NUF2: variants seen among roughly 807,000 people sequenced by gnomAD.
The protein encoded by NUF2 is NUF2 component of NDC80 kinetochore complex.
In NUF2, 34 loss-of-function variants were observed where a neutral mutation model predicts 61.8. The observed-to-expected ratio is 0.55, with a 90% CI of 0.42 to 0.73. The LOEUF (loss-of-function observed/expected upper bound fraction) is 0.73. Ranked by LOEUF, NUF2 falls within the 30% of genes least tolerant of loss-of-function variation. The probability of loss-of-function intolerance (pLI) is 0.00; values close to 1 mark genes in which losing one functional copy is unlikely to be tolerated. For missense variants in NUF2, 445 were observed against 539.1 expected (o/e 0.83, Z 1.73); for synonymous variants, 172 against 181.6 (o/e 0.95, Z 0.42).
intron 5 of NUF2, among the ~76,000 whole-genome samples, chr1:163,330,097 G>T (rs1420619844): frequency 6.6e-6 from 1 of 152,128 alleles, no homozygotes; most frequent in African/African-American, 2.4e-5. Context: ...ACAATACTCT[G>T]TATGCTACTC....
At chr1:163,353,609 T>G (rs1392941134) in intron 13 of NUF2, among the ~76,000 whole-genome samples, 2 of 152,224 alleles carry the variant, frequency 1.3e-5, no homozygotes, top group Admixed American at 1.3e-4. Flanking sequence ...TTAAAAATAT[T>G]TAACTTCAAC....
At chr1:163,335,611 C>A (rs979412893) in intron 5 of NUF2, among the ~76,000 whole-genome samples, 1 of 151,846 alleles carries the variant, frequency 6.6e-6, no homozygotes, top group African/African-American at 2.4e-5. Flanking sequence ...CCCCCTACAC[C>A]CCTGCCCGCC....
intron 2 of NUF2, 35 bp downstream of exon 2, chr1:163,326,209 T>G: frequency 6.2e-7 from 1 of 1,600,198 alleles, no homozygotes; most frequent in Non-Finnish European, 8.5e-7. Flanking sequence ...TGGATAATGG[T>G]ATTTAGGGAA....
chr1:163,329,921 C>T (rs1650542526), intron 5 of NUF2, among the ~76,000 whole-genome samples: 1 of 151,982 alleles, frequency 6.6e-6, no homozygotes, highest in Non-Finnish European at 1.5e-5. Context: ...ATATTAAATG[C>T]ATATTATTAA....
At chr1:163,325,498 C>A (rs1371822611) in intron 1 of NUF2, among the ~76,000 whole-genome samples, 2 of 152,192 alleles carry the variant, frequency 1.3e-5, no homozygotes, top group Non-Finnish European at 2.9e-5. Flanking sequence ...TCAATTATAT[C>A]ATCTATTCTT....
chr1:163,337,937 A>G, intron 6 of NUF2, 83 bp from the exon 7 acceptor site: 1 of 1,028,880 alleles, frequency 9.7e-7, no homozygotes, highest in Non-Finnish European at 1.5e-6. Context: ...CTGATGGTTC[A>G]AACTATAGTA....
intron 11 of NUF2, 41 bp downstream of exon 11, chr1:163,345,859 A>G (rs2101686564): frequency 7.3e-7 from 1 of 1,367,638 alleles, no homozygotes; most frequent in Non-Finnish European, 1.0e-6. Flanking sequence ...ATTATATAAC[A>G]GCTTACTATA....
chr1:163,325,826 C>T (rs1308001189), intron 1 of NUF2, among the ~76,000 whole-genome samples: 2 of 152,068 alleles, frequency 1.3e-5, no homozygotes, highest in African/African-American at 4.8e-5. Flanking sequence ...AGAAAATTAG[C>T]AGAAAATAAC....
At chr1:163,332,360 C>G (rs1478348675) in intron 5 of NUF2, among the ~76,000 whole-genome samples, 3 of 151,986 alleles carry the variant, frequency 2.0e-5, no homozygotes, top group Non-Finnish European at 4.4e-5. Flanking sequence ...CATTTGAATC[C>G]ATTTAAATGT....
chr1:163,327,100 AC>A (rs1349908962), intron 2 of NUF2, among the ~76,000 whole-genome samples: 28,502 of 145,140 alleles, frequency 0.2, 3,136 homozygotes, highest in East Asian at 0.47. Flanking sequence ...TCCTGTGTTC[AC>A]ACACACACAC....
At position 163,337,923 on chromosome 1, in the gene NUF2, A is replaced by G. The variant is rs1041876849; in HGVS notation, c.436-97A>G. 9.2e-5 allele frequency: 83 copies of G among 898,798 alleles called. 1 individual carries two copies. The highest frequency in any genetic ancestry group is 1.4e-4 in the Non-Finnish European group (80 of 552,946). 55.7% of individuals were successfully genotyped at this position (898,798 alleles called of 1,614,324 possible). On this transcript the variant is annotated intron_variant, in intron 6 of 13. Transcript: ENST00000271452. ...GGCCTAACTCTATCTTAAATTTTTT[A>G]TTTCTGATGGTTCAAACTATAGTAT...
intron 8 of NUF2, among the ~76,000 whole-genome samples, chr1:163,340,006 T>C (rs1378496432): frequency 2.6e-5 from 4 of 152,210 alleles, no homozygotes; most frequent in African/African-American, 9.6e-5. Context: ...ATCTGAAATA[T>C]ACGCTCCAAC....
At chr1:163,334,565 C>G (rs1390579956) in intron 5 of NUF2, among the ~76,000 whole-genome samples, 2 of 152,024 alleles carry the variant, frequency 1.3e-5, no homozygotes, top group African/African-American at 4.8e-5. Context: ...TGCTTGAGTC[C>G]AGGAGTTTGA....
chr1:163,334,275 A>G (rs922339518), intron 5 of NUF2, among the ~76,000 whole-genome samples: 6 of 152,218 alleles, frequency 3.9e-5, no homozygotes, highest in African/African-American at 1.4e-4. Flanking sequence ...TACAATAAAC[A>G]TACAAGTGCA....
chr1:163,325,388 G>A (rs536746571), intron 1 of NUF2, among the ~76,000 whole-genome samples: 1 of 152,266 alleles, frequency 6.6e-6, no homozygotes, highest in South Asian at 2.1e-4. Context: ...GAACTACTAC[G>A]CTAGGGGGAC....
chr1:163,340,365 T>C lies in NUF2; in HGVS notation c.608T>C (p.Ile203Thr), dbSNP rs1650901321. 1.2e-6 allele frequency: 2 copies of C among 1,609,030 alleles called. No individual in the cohort carries two copies. The highest frequency in any genetic ancestry group is 1.7e-6 in the Non-Finnish European group (2 of 1,176,626). Reference protein sequence around the residue: ...SLNQDFHQKTIVLQEGNSQKK... With the variant: ...SLNQDFHQKTTVLQEGNSQKK... ...AAACGTGTTTGCTTTTTCCCTTAGA[T>C]AGTGCTGCAAGAGGGAAATTCCCAA... The change falls in exon 9 of 14, where the codon ATA (isoleucine) becomes ACA (threonine). Residue 203 changes from isoleucine to threonine, a missense_variant and splice_region_variant. Ile to Thr is a moderately conservative substitution (Grantham distance 89). Coordinates refer to ENST00000271452, the MANE Select transcript of NUF2 (RefSeq NM_145697.3).
At chr1:163,341,861 C>G (rs538293111) in intron 9 of NUF2, among the ~76,000 whole-genome samples, 118 of 152,220 alleles carry the variant, frequency 7.8e-4, no homozygotes, top group Non-Finnish European at 6.8e-4. Flanking sequence ...AACTCCTGAC[C>G]TCAGGGGACC....
intron 12 of NUF2, among the ~76,000 whole-genome samples, chr1:163,348,382 G>A (rs1434138628): frequency 1.3e-5 from 2 of 152,262 alleles, no homozygotes; most frequent in African/African-American, 4.8e-5. Flanking sequence ...TAGCTGGTAC[G>A]TTAGGGTACT....
intron 9 of NUF2, among the ~76,000 whole-genome samples, chr1:163,343,371 C>G (rs963432609): frequency 6.6e-6 from 1 of 151,988 alleles, no homozygotes; most frequent in South Asian, 2.1e-4. Context: ...GCAGGCAGAC[C>G]GGAGTGGGAT....
Sources: allele counts gnomAD v4.1 joint callset (sites outside exome capture counted in the v4.1 genomes callset), GRCh38; gene constraint gnomAD v4.1.1; transcripts MANE v1.5; gene names NCBI Gene and HGNC (gene_info 2026-07-23, HGNC 2026-07-21).